BBS4: variants seen among roughly 807,000 people sequenced by gnomAD.
The protein encoded by BBS4 is BBSome complex member BBS4.
BBS4 carries 58 observed loss-of-function variants against 71.4 expected under a neutral mutation model. The observed-to-expected ratio is 0.81, with a 90% CI of 0.66 to 1.01. The LOEUF (loss-of-function observed/expected upper bound fraction) is 1.01. BBS4 is among the 50% of genes least tolerant of loss of function. The probability of loss-of-function intolerance (pLI) is 0.00; values close to 1 mark genes in which losing one functional copy is unlikely to be tolerated. For synonymous variants in BBS4, 228 were observed against 216.8 expected, an observed-to-expected ratio of 1.05 and a Z score of -0.46; for missense variants, 660 against 607.9, an observed-to-expected ratio of 1.09 and a Z score of -0.90.
At chr15:72,716,565 A>G (rs973153902) in intron 5 of BBS4, among the ~76,000 whole-genome samples, 3 of 152,228 alleles carry the variant, frequency 2.0e-5, no homozygotes, top group Non-Finnish European at 4.4e-5. Context: ...GAATGAGACC[A>G]AGGCCTTGGA....
At chr15:72,695,288 T>C (rs1567398970) in intron 2 of BBS4, 60 bp downstream of exon 2, 1 of 1,239,706 alleles carries the variant, frequency 8.1e-7, no homozygotes, top group Non-Finnish European at 1.1e-6. Flanking sequence ...CTTTTATTTA[T>C]TTATTTATTT....
intron 12 of BBS4, among the ~76,000 whole-genome samples, chr15:72,732,128 T>C (rs780874400): frequency 3.3e-5 from 5 of 152,242 alleles, no homozygotes; most frequent in South Asian, 4.1e-4. Flanking sequence ...GATTGCATGA[T>C]TAAGCTCTCA....
chr15:72,695,934 G>A (rs1356629182), intron 2 of BBS4, among the ~76,000 whole-genome samples: 2 of 152,146 alleles, frequency 1.3e-5, no homozygotes, highest in African/African-American at 4.8e-5. Context: ...ATGTACACTT[G>A]GAAATAATGT....
chr15:72,707,690 A>T (rs766843860), intron 2 of BBS4, among the ~76,000 whole-genome samples: 2 of 152,046 alleles, frequency 1.3e-5, no homozygotes, highest in Non-Finnish European at 2.9e-5. Context: ...CTTCCTTGAG[A>T]TCTTCACTAT....
chr15:72,690,763 T>A (rs1299459977), intron 1 of BBS4, among the ~76,000 whole-genome samples: 1 of 152,168 alleles, frequency 6.6e-6, no homozygotes, highest in Non-Finnish European at 1.5e-5. Flanking sequence ...TAAGTATTTG[T>A]TTAAAAAAAC....
chr15:72,689,780 T>TTTTATTTATTTA (rs57141334), intron 1 of BBS4, among the ~76,000 whole-genome samples: 2,690 of 147,640 alleles, frequency 0.018, 42 homozygotes, highest in East Asian at 0.056. Flanking sequence ...TTATAAATCT[T>TTTTATTTATTTA]TTTATTTATT....
intron 15 of BBS4, 137 bp from the exon 16 acceptor site, chr15:72,737,341 T>C: frequency 1.4e-6 from 1 of 740,436 alleles, no homozygotes; most frequent in South Asian, 1.6e-5. Flanking sequence ...TCAGTTATAG[T>C]CTTCCCTTAT....
At chr15:72,718,360 A>G (rs575905995) in intron 6 of BBS4, among the ~76,000 whole-genome samples, 1 of 152,082 alleles carries the variant, frequency 6.6e-6, no homozygotes, top group Admixed American at 6.6e-5. Context: ...TCTCAGAATT[A>G]TCTTTTTCTT....
chr15:72,733,931 A>AT (rs2065874782), intron 12 of BBS4, among the ~76,000 whole-genome samples: 1 of 152,108 alleles, frequency 6.6e-6, no homozygotes. Flanking sequence ...CCTCACCAGG[A>AT]TGTTATATTT....
chr15:72,707,335 AC>A (rs1289229175), intron 2 of BBS4, among the ~76,000 whole-genome samples: 1 of 150,276 alleles, frequency 6.7e-6, no homozygotes, highest in East Asian at 2.0e-4. Flanking sequence ...GCGCCACCAC[AC>A]CCTGCTAATT....
chr15:72,687,597 CCTT>C (rs1166841835), intron 1 of BBS4, among the ~76,000 whole-genome samples: 6 of 94,646 alleles, frequency 6.3e-5, no homozygotes, highest in Admixed American at 2.1e-4. Flanking sequence ...GAGACAGACT[CCTT>C]CTCAAAAAAA....
intron 1 of BBS4, among the ~76,000 whole-genome samples, chr15:72,690,906 G>A (rs192746304): frequency 5.4e-4 from 82 of 152,290 alleles, no homozygotes; most frequent in Non-Finnish European, 8.5e-4. Flanking sequence ...AGCTGTTGTA[G>A]TGGATGGGTA....
chr15:72,729,386 GATTACAGGC>G (rs1299126406), intron 9 of BBS4, among the ~76,000 whole-genome samples: 3 of 151,602 alleles, frequency 2.0e-5, no homozygotes, highest in African/African-American at 7.3e-5. Context: ...AAGTAGCTGG[GATTACAGGC>G]ATGTGCCACC....
At chr15:72,731,069 T>A (rs2065809083) in intron 10 of BBS4, among the ~76,000 whole-genome samples, 1 of 70,804 alleles carries the variant, frequency 1.4e-5, no homozygotes, top group East Asian at 1.3e-3. Context: ...TTTTATCTTT[T>A]TTTTTTTTTT....
At position 72,737,850 on chromosome 15, in the gene BBS4, C is replaced by T. The variant is rs1330868992; in HGVS notation, c.*263C>T. 1 of 498,500 alleles carries T rather than the reference C, an allele frequency of 2.0e-6. No individual in the cohort carries two copies. The highest frequency in any genetic ancestry group is 5.4e-5 in the East Asian group (1 of 18,682). The allele number at this position is 498,500 out of a possible 1,614,324, so 30.9% of individuals were successfully genotyped here. On this transcript the variant is annotated 3_prime_UTR_variant, in exon 16 of 16. Transcript: ENST00000268057. Reference sequence around the variant, plus strand: ...TAAGAACTGGCAGCAAGGCTTGAGGCCTTATGTATGTAGCTGAGTCAGCAA... The same window carrying T: ...TAAGAACTGGCAGCAAGGCTTGAGGTCTTATGTATGTAGCTGAGTCAGCAA...
At chr15:72,730,857 C>T (rs1249112609) in intron 10 of BBS4, among the ~76,000 whole-genome samples, 2 of 152,096 alleles carry the variant, frequency 1.3e-5, no homozygotes, top group East Asian at 1.9e-4. Flanking sequence ...AGCTGACTCG[C>T]CCTCTGTTCT....
chr15:72,692,087 A>G (rs1377694989), intron 1 of BBS4, among the ~76,000 whole-genome samples: 1 of 151,998 alleles, frequency 6.6e-6, no homozygotes. Flanking sequence ...TAGGTTCTTC[A>G]CATGCCTCAC....
intron 2 of BBS4, chr15:72,697,974 C>T (rs1244324545): frequency 4.4e-6 from 2 of 455,808 alleles, no homozygotes; most frequent in East Asian, 1.4e-4. Context: ...TTCCTTTTGC[C>T]CCATGATGTA....
At chr15:72,721,434 C>G (rs909399778) in intron 6 of BBS4, among the ~76,000 whole-genome samples, 12 of 151,600 alleles carry the variant, frequency 7.9e-5, no homozygotes, top group Non-Finnish European at 1.6e-4. Context: ...TCTGCACTTA[C>G]GTATGATTGA....
Sources: gnomAD v4.1 joint callset for allele counts (sites outside exome capture counted in the v4.1 genomes callset) on GRCh38, gnomAD v4.1.1 for gene constraint, MANE v1.5 for transcripts, NCBI Gene and HGNC (gene_info 2026-07-23, HGNC 2026-07-21) for gene names.